The following TNKS2 variants were observed in gnomAD, a reference collection of about 807,000 sequenced individuals.
TNKS2 encodes the protein poly [ADP-ribose] polymerase tankyrase-2.
In TNKS2, 72 loss-of-function variants were observed where a neutral mutation model predicts 137.6. That is an observed-to-expected ratio of 0.52 (90% CI 0.43 to 0.64). The LOEUF (loss-of-function observed/expected upper bound fraction) is 0.64, where lower values mean the gene tolerates loss of function less well. Ranked by LOEUF, TNKS2 falls within the 30% of genes least tolerant of loss-of-function variation. The probability of loss-of-function intolerance (pLI) is 0.00; values close to 1 mark genes in which losing one functional copy is unlikely to be tolerated. For missense variants in TNKS2, 1,049 were observed against 1,410.2 expected (o/e 0.74, Z 4.10); for synonymous variants, 516 against 512.1 (o/e 1.01, Z -0.10).
chr10:91,851,624 G>T (rs1842539373), intron 21 of TNKS2, among the ~76,000 whole-genome samples: 1 of 152,150 alleles, frequency 6.6e-6, no homozygotes, highest in Non-Finnish European at 1.5e-5. Context: ...ATTTTCTGAA[G>T]TTATTCTAGC....
At chr10:91,808,010 AAAG>A (rs1844385257) in intron 1 of TNKS2, among the ~76,000 whole-genome samples, 2 of 118,470 alleles carry the variant, frequency 1.7e-5, no homozygotes, top group African/African-American at 3.1e-5. Context: ...AAAAAAAAAA[AAAG>A]AGTCTAGAAA....
rs375386861 is a variant in TNKS2 at position 91,812,963 on chromosome 10, G to A, written c.200-20G>A. 1.2e-6 allele frequency: 2 copies of A among 1,612,602 alleles called. No individual in the cohort carries two copies. The highest frequency in any genetic ancestry group is 2.2e-5 in the East Asian group (1 of 44,856). On this transcript the variant is annotated intron_variant, in intron 1 of 26. Transcript: ENST00000371627. ...CTTTTCCTTGTTGAACTTACGTGTG[G>A]ACAATTTGTTTTCATCTAGGTTTTG... is the stretch of plus-strand genomic sequence containing the variant.
In TNKS2 at chr10:91,798,740, C is replaced by T; in HGVS notation, c.50C>T (p.Ala17Val). The part of the protein sequence containing the change: ...AGGGAACASA[A>V]AEAVEPAARE... ...GGGGGAGCGGCCTGCGCGAGCGCCGCGGCCGAGGCCGTGGAGCCGGCCGCC... is the reference window on the plus strand; with the variant it reads ...GGGGGAGCGGCCTGCGCGAGCGCCGTGGCCGAGGCCGTGGAGCCGGCCGCC... The change falls in exon 1 of 27, where the codon GCG becomes GTG. Residue 17 changes from alanine to valine, a missense_variant. Ala to Val is a moderately conservative substitution (Grantham distance 64, BLOSUM62 0). Coordinates refer to ENST00000371627, the MANE Select transcript of TNKS2 (RefSeq NM_025235.4). 1 of 1,246,294 alleles carries T rather than the reference C, an allele frequency of 8.0e-7. No homozygotes were observed. The highest frequency in any genetic ancestry group is 3.8e-5 in the South Asian group (1 of 26,026). 77.2% of individuals were successfully genotyped at this position (1,246,294 alleles called of 1,614,324 possible).
intron 1 of TNKS2, among the ~76,000 whole-genome samples, chr10:91,806,627 G>A (rs1376931881): frequency 2.0e-5 from 3 of 152,168 alleles, no homozygotes; most frequent in African/African-American, 7.2e-5. Flanking sequence ...ATACTTGTTA[G>A]TCACAATTAC....
intron 2 of TNKS2, among the ~76,000 whole-genome samples, chr10:91,815,664 A>C (rs1425923556): frequency 6.6e-6 from 1 of 152,138 alleles, no homozygotes; most frequent in Non-Finnish European, 1.5e-5. Flanking sequence ...TGGATGTATT[A>C]GGTGAAATCT....
At chr10:91,855,209 G>C in intron 22 of TNKS2, 83 bp downstream of exon 22, 1 of 862,512 alleles carries the variant, frequency 1.2e-6, no homozygotes, top group Admixed American at 2.2e-5. Context: ...TCTTCCTTTA[G>C]TTTGCATTAT....
chr10:91,831,311 A>C (rs1845238831), intron 11 of TNKS2, 130 bp downstream of exon 11: 1 of 854,738 alleles, frequency 1.2e-6, no homozygotes, highest in African/African-American at 1.7e-5. Context: ...ATCTATGCTT[A>C]AGAATTGTCC....
At chr10:91,825,845 C>T (rs572093013) in intron 7 of TNKS2, among the ~76,000 whole-genome samples, 42 of 152,326 alleles carry the variant, frequency 2.8e-4, no homozygotes, top group African/African-American at 1.0e-3. Context: ...AACGTTGCCA[C>T]GTAGCAGTGG....
intron 1 of TNKS2, 49 bp from the exon 2 acceptor site, chr10:91,812,934 A>G (rs372328355): frequency 6.2e-4 from 985 of 1,595,950 alleles, no homozygotes; most frequent in Non-Finnish European, 7.7e-4. Flanking sequence ...ATCTAATTTG[A>G]TATCTTTTCC....
chr10:91,798,964 G>C, intron 1 of TNKS2, 75 bp downstream of exon 1: 2 of 1,273,946 alleles, frequency 1.6e-6, no homozygotes, highest in South Asian at 2.8e-5. Context: ...TCTGAAACCA[G>C]TGCTCCTCCG....
At chr10:91,809,720 A>G (rs927429779) in intron 1 of TNKS2, among the ~76,000 whole-genome samples, 8 of 152,022 alleles carry the variant, frequency 5.3e-5, no homozygotes, top group Non-Finnish European at 7.4e-5. Flanking sequence ...ACTATGGCAC[A>G]TAGCATTCTA....
chr10:91,842,700 G>T (rs10881981), intron 16 of TNKS2, among the ~76,000 whole-genome samples: 49,509 of 151,788 alleles, frequency 0.33, 8,600 homozygotes, highest in South Asian at 0.53. Flanking sequence ...GAGCCCAGGA[G>T]GTCACGGATG....
At chr10:91,815,026 A>G (rs1378697369) in intron 2 of TNKS2, among the ~76,000 whole-genome samples, 1 of 152,218 alleles carries the variant, frequency 6.6e-6, no homozygotes, top group Non-Finnish European at 1.5e-5. Context: ...CAGGATAAGT[A>G]AGAAAAATAT....
chr10:91,849,588 A>G lies in TNKS2; in HGVS notation c.2688A>G (p.Arg896=), dbSNP rs748072151. The stretch of plus-strand genomic sequence containing the variant: ...AGCACCTAATGGATATATTTGAGAG[A>G]GAACAGGTGAGTAGATAAATCATAT... ...GLEHLMDIFE[R]EQITLDVLVE... is the part of the protein sequence containing the mutation. The change falls in exon 20 of 27, where the codon AGA becomes AGG. Residue 896 remains arginine (R), a synonymous_variant. Transcript: ENST00000371627. The G allele has an allele frequency of 1.2e-6, 2 of 1,604,390 alleles. No individual in the cohort carries two copies. Among genetic ancestry groups the G allele is most frequent in the Non-Finnish European group, 8.5e-7 (1 of 1,176,146 alleles).
chr10:91,824,421 CAG>C (rs1845002674), intron 7 of TNKS2, among the ~76,000 whole-genome samples: 1 of 152,170 alleles, frequency 6.6e-6, no homozygotes. Flanking sequence ...ACAAGAATAA[CAG>C]GGAATTCTCT....
At chr10:91,799,097 T>G (rs975381486) in intron 1 of TNKS2, among the ~76,000 whole-genome samples, 1 of 152,108 alleles carries the variant, frequency 6.6e-6, no homozygotes, top group Non-Finnish European at 1.5e-5. Flanking sequence ...TTGTCTTGGT[T>G]TGGTTTTTTT....
intron 6 of TNKS2, among the ~76,000 whole-genome samples, chr10:91,820,332 C>A (rs1480015113): frequency 2.0e-5 from 3 of 152,116 alleles, no homozygotes; most frequent in Admixed American, 1.3e-4. Flanking sequence ...AAGGAACTCT[C>A]AGTGATGGTT....
In TNKS2 at chr10:91,798,853, G is replaced by A; in HGVS notation, c.163G>A (p.Ala55Thr). The change falls in exon 1 of 27, where the codon GCG becomes ACG. Residue 55 changes from alanine to threonine, a missense_variant. This residue lies in a region of TNKS2 where 374 missense variants were observed against 460.8 expected (regional missense o/e 0.81). Transcript: ENST00000371627. The stretch of plus-strand genomic sequence containing the variant: ...TGAGAAGGTGAACAGCCGCGACACG[G>A]CGGGCAGGAAATCCACCCCGCTGCA... The part of the protein sequence containing the change: ...TPEKVNSRDT[A>T]GRKSTPLHFA... The A allele has an allele frequency of 7.3e-7, 1 of 1,362,126 alleles. No individual in the cohort carries two copies. Among genetic ancestry groups the A allele is most frequent in the African/African-American group, 1.5e-5 (1 of 66,392 alleles). The allele number at this position is 1,362,126 out of a possible 1,614,324, so 84.4% of individuals were successfully genotyped here.
intron 16 of TNKS2, among the ~76,000 whole-genome samples, chr10:91,842,706 G>A (rs1414140877): frequency 1.3e-5 from 2 of 152,016 alleles, no homozygotes; most frequent in South Asian, 2.1e-4. Context: ...AGGAGGTCAC[G>A]GATGCAATAA....
Sources: gnomAD v4.1 joint callset for allele counts (sites outside exome capture counted in the v4.1 genomes callset) on GRCh38, gnomAD v4.1.1 for gene constraint, gnomAD v4.1.1 regional missense constraint, MANE v1.5 for transcripts, NCBI Gene and HGNC (gene_info 2026-07-23, HGNC 2026-07-21) for gene names.